TSNAX: variants seen among roughly 807,000 people sequenced by gnomAD.
TSNAX encodes translin associated factor X.
TSNAX carries 12 observed loss-of-function variants against 33.0 expected under a neutral mutation model. The ratio of observed to expected loss-of-function variants is 0.36; its 90% CI spans 0.23 to 0.59. TSNAX has a LOEUF of 0.59. Among genes scored for constraint, TSNAX ranks in the 20% least tolerant of loss-of-function variants. The pLI, the probability that TSNAX is intolerant of heterozygous loss-of-function variation, is 0.74. For synonymous variants in TSNAX, 110 were observed against 117.2 expected, an observed-to-expected ratio of 0.94 and a Z score of 0.40; for missense variants, 267 against 341.3, an observed-to-expected ratio of 0.78 and a Z score of 1.72.
intron 2 of TSNAX, among the ~76,000 whole-genome samples, chr1:231,530,323 A>G (rs1572093600): frequency 6.6e-6 from 1 of 152,222 alleles, no homozygotes; most frequent in East Asian, 1.9e-4. Context: ...ATATTTGAAA[A>G]CCACCACAGT....
intron 2 of TSNAX, among the ~76,000 whole-genome samples, chr1:231,530,962 T>TG (rs998014499): frequency 3.4e-5 from 3 of 88,552 alleles, no homozygotes; most frequent in African/African-American, 1.2e-4. Context: ...GTTTTTTGGT[T>TG]TTTTTTTTTT....
chr1:231,559,917 A>C (rs989118797), intron 4 of TSNAX, among the ~76,000 whole-genome samples: 1 of 151,586 alleles, frequency 6.6e-6, no homozygotes, highest in East Asian at 1.9e-4. Context: ...ACTTACCTAC[A>C]TTAGTTAAAA....
At chr1:231,544,359 C>A (rs1572119455) in intron 4 of TSNAX, among the ~76,000 whole-genome samples, 1 of 152,120 alleles carries the variant, frequency 6.6e-6, no homozygotes, top group Admixed American at 6.5e-5. Flanking sequence ...ATGTAGTATG[C>A]CTATCTTGCA....
chr1:231,556,755 T>G (rs1660721908), intron 4 of TSNAX, among the ~76,000 whole-genome samples: 1 of 152,256 alleles, frequency 6.6e-6, no homozygotes, highest in Admixed American at 6.5e-5. Flanking sequence ...TCTGACCATT[T>G]AAAGCAGTGC....
At chr1:231,548,416 T>A (rs1034598870) in intron 4 of TSNAX, among the ~76,000 whole-genome samples, 4 of 152,204 alleles carry the variant, frequency 2.6e-5, no homozygotes, top group Non-Finnish European at 5.9e-5. Flanking sequence ...TTCAAGTCTC[T>A]GCTTTCTGTT....
intron 3 of TSNAX, among the ~76,000 whole-genome samples, chr1:231,538,650 CAG>C (rs1659350434): frequency 6.6e-6 from 1 of 152,144 alleles, no homozygotes; most frequent in Admixed American, 6.5e-5. Flanking sequence ...CTATATGTCA[CAG>C]AAAGAATGTA....
At chr1:231,538,582 C>T (rs890914224) in intron 3 of TSNAX, among the ~76,000 whole-genome samples, 7 of 152,164 alleles carry the variant, frequency 4.6e-5, no homozygotes, top group African/African-American at 9.7e-5. Flanking sequence ...CTTCTGAAGA[C>T]GGATTGTTGT....
At chr1:231,531,267 A>G (rs1360652291) in intron 2 of TSNAX, among the ~76,000 whole-genome samples, 1 of 151,856 alleles carries the variant, frequency 6.6e-6, no homozygotes, top group Non-Finnish European at 1.5e-5. Context: ...CTGAACTACA[A>G]TTTTCTTTAA....
At chr1:231,556,221 AAAT>A (rs1309863050) in intron 4 of TSNAX, among the ~76,000 whole-genome samples, 1 of 152,238 alleles carries the variant, frequency 6.6e-6, no homozygotes, top group African/African-American at 2.4e-5. Context: ...TTATTTTTAA[AAAT>A]AATTTGTAAT....
rs547458526 is a variant in TSNAX at position 231,536,957 on chromosome 1, C to T, written c.122-256C>T. ...AAGCGATTCTTCTGCCTCAGCCTCC[C>T]GAGTAGCTGGGACTACAGGCACATG... is the stretch of plus-strand genomic sequence containing the variant. On this transcript the variant is annotated intron_variant, in intron 2 of 5. Transcript: ENST00000366639. The T allele has an allele frequency of 1.0e-4, 23 of 221,508 alleles. 1 individual carries two copies. The South Asian group carries it at 1.7e-3, about 16-fold the overall frequency. 13.7% of individuals were successfully genotyped at this position (221,508 alleles called of 1,614,324 possible).
At chr1:231,545,370 A>AT (rs1224573990) in intron 4 of TSNAX, among the ~76,000 whole-genome samples, 2 of 152,204 alleles carry the variant, frequency 1.3e-5, no homozygotes, top group African/African-American at 2.4e-5. Flanking sequence ...TCCCTAAGGG[A>AT]TACTTGTGTG....
chr1:231,549,184 G>C (rs372742996), intron 4 of TSNAX, among the ~76,000 whole-genome samples: 3 of 152,156 alleles, frequency 2.0e-5, no homozygotes, highest in Non-Finnish European at 4.4e-5. Flanking sequence ...GATGGCTCAC[G>C]CCTGTAATCC....
chr1:231,543,445 C>G (rs1659705996), intron 4 of TSNAX, among the ~76,000 whole-genome samples: 1 of 151,972 alleles, frequency 6.6e-6, no homozygotes, highest in Non-Finnish European at 1.5e-5. Context: ...CTGAAATGCT[C>G]CAATGAGCAT....
intron 2 of TSNAX, among the ~76,000 whole-genome samples, chr1:231,533,633 T>TA (rs1008726455): frequency 6.6e-6 from 1 of 152,238 alleles, no homozygotes; most frequent in African/African-American, 2.4e-5. Context: ...CAAATTTATT[T>TA]AAAAAACTAG....
At chr1:231,561,401 T>C in intron 5 of TSNAX, 146 bp downstream of exon 5, 1 of 671,554 alleles carries the variant, frequency 1.5e-6, no homozygotes. Context: ...TAGGAAATGG[T>C]CTTTTTAAAT....
At chr1:231,545,888 C>G in intron 4 of TSNAX, among the ~76,000 whole-genome samples, 1 of 152,114 alleles carries the variant, frequency 6.6e-6, no homozygotes, top group Middle Eastern at 3.2e-3. Flanking sequence ...GAGATTGAGG[C>G]TCACAAGTTA....
At chr1:231,537,642 G>C (rs1659269159) in intron 3 of TSNAX, among the ~76,000 whole-genome samples, 2 of 151,680 alleles carry the variant, frequency 1.3e-5, no homozygotes, top group African/African-American at 4.8e-5. Context: ...TTGGGAGGCT[G>C]AGGTGGGAGG....
intron 4 of TSNAX, among the ~76,000 whole-genome samples, chr1:231,551,979 A>AAG (rs1264585020): frequency 6.6e-6 from 1 of 151,422 alleles, no homozygotes; most frequent in Non-Finnish European, 1.5e-5. Context: ...GTGACAGAGC[A>AAG]AGATCATGTC....
chr1:231,535,636 G>C (rs554341800), intron 2 of TSNAX: 15 of 152,314 alleles, frequency 9.8e-5, no homozygotes, highest in African/African-American at 3.1e-4. Context: ...AAGGTAAGCA[G>C]ATTGGCAGTT....
Sources: allele counts gnomAD v4.1 joint callset (sites outside exome capture counted in the v4.1 genomes callset), GRCh38; gene constraint gnomAD v4.1.1; transcripts MANE v1.5; gene names NCBI Gene and HGNC (gene_info 2026-07-23, HGNC 2026-07-21).